The following ITGBL1 variants were observed in gnomAD, a reference collection of about 807,000 sequenced individuals.
The protein encoded by ITGBL1 is integrin subunit beta like 1.
A neutral mutation model predicts 68.5 loss-of-function variants in ITGBL1; 51 were observed. That is an observed-to-expected ratio of 0.74 (90% CI 0.59 to 0.94). ITGBL1 has a LOEUF of 0.94. Ranked by LOEUF, ITGBL1 falls within the 40% of genes least tolerant of loss-of-function variation. The probability of loss-of-function intolerance (pLI) is 0.00; values close to 1 mark genes in which losing one functional copy is unlikely to be tolerated. For synonymous variants in ITGBL1, 209 were observed against 227.3 expected (o/e 0.92, Z 0.72); for missense variants, 649 against 647.4 (o/e 1.00, Z -0.03).
At chr13:101,707,685 T>TAAA (rs111754845) in intron 9 of ITGBL1, among the ~76,000 whole-genome samples, 13 of 150,530 alleles carry the variant, frequency 8.6e-5, no homozygotes, top group Non-Finnish European at 1.2e-4. Flanking sequence ...TCTACTCTAT[T>TAAA]AAAAAAAACA....
rs541752715 is a variant in ITGBL1, at chr13:101,605,742, A to G, written c.1015+7443A>G. Among the ~76,000 whole-genome samples the G allele has an allele frequency of 1.5e-4, 23 of 151,038 alleles. No individual in the cohort carries two copies. The South Asian group carries it at 4.4e-3, about 29-fold the overall frequency. On this transcript the variant is annotated intron_variant, in intron 7 of 10. Transcript: ENST00000376180. ...TATGCGTGTACACGTATGTAGACAT[A>G]TGTATGTGCGTATATGTGTGTACAC... is the stretch of plus-strand genomic sequence containing the variant.
intron 6 of ITGBL1, among the ~76,000 whole-genome samples, chr13:101,589,207 C>G (rs899906470): frequency 6.6e-6 from 1 of 152,124 alleles, no homozygotes; most frequent in Non-Finnish European, 1.5e-5. Context: ...ATACCATTGT[C>G]GATACTATTT....
chr13:101,628,743 T>A (rs2031878694), intron 7 of ITGBL1, among the ~76,000 whole-genome samples: 1 of 151,716 alleles, frequency 6.6e-6, no homozygotes. Flanking sequence ...CCCAGCCCTC[T>A]CTTGATATTT....
chr13:101,588,000 G>A (rs951074287), intron 6 of ITGBL1, among the ~76,000 whole-genome samples: 4 of 152,210 alleles, frequency 2.6e-5, no homozygotes, highest in African/African-American at 4.8e-5. Flanking sequence ...AAGCAGAGAA[G>A]TGTTTGTCTG....
intron 7 of ITGBL1, among the ~76,000 whole-genome samples, chr13:101,600,060 T>C (rs2030261663): frequency 6.6e-6 from 1 of 152,252 alleles, no homozygotes; most frequent in East Asian, 1.9e-4. Context: ...TGATTCTTCC[T>C]ATCCATGAGC....
intron 6 of ITGBL1, among the ~76,000 whole-genome samples, chr13:101,589,084 C>T (rs1029336264): frequency 6.6e-6 from 1 of 152,164 alleles, no homozygotes; most frequent in Non-Finnish European, 1.5e-5. Flanking sequence ...TTTGACAGCA[C>T]ATGACTAACT....
intron 2 of ITGBL1, among the ~76,000 whole-genome samples, chr13:101,519,713 T>A (rs1007413301): frequency 6.6e-6 from 1 of 152,094 alleles, no homozygotes; most frequent in Non-Finnish European, 1.5e-5. Context: ...CAATAACAGA[T>A]CCTGATTATG....
intron 2 of ITGBL1, among the ~76,000 whole-genome samples, chr13:101,539,008 G>T (rs906406237): frequency 6.7e-6 from 1 of 149,488 alleles, no homozygotes; most frequent in East Asian, 2.0e-4. Flanking sequence ...TCAGTGGTAC[G>T]GTTGCGGAGT....
chr13:101,589,031 A>G (rs937763543), intron 6 of ITGBL1, among the ~76,000 whole-genome samples: 1 of 152,214 alleles, frequency 6.6e-6, no homozygotes, highest in Non-Finnish European at 1.5e-5. Flanking sequence ...TAGGACATGT[A>G]CAGTTTCACT....
intron 8 of ITGBL1, among the ~76,000 whole-genome samples, chr13:101,704,856 G>T (rs7324876): frequency 0.23 from 34,771 of 151,982 alleles, 4,347 homozygotes; most frequent in Admixed American, 0.31. Flanking sequence ...TTGTTTCTTT[G>T]TTTGTTTTTA....
intron 2 of ITGBL1, among the ~76,000 whole-genome samples, chr13:101,565,263 C>T (rs73554050): frequency 2.3e-3 from 354 of 152,086 alleles, no homozygotes; most frequent in African/African-American, 7.8e-3. Flanking sequence ...CCTAATCCCC[C>T]GAGGTCTGCT....
chr13:101,670,866 T>C (rs2033341408), intron 7 of ITGBL1, among the ~76,000 whole-genome samples: 1 of 152,220 alleles, frequency 6.6e-6, no homozygotes, highest in Non-Finnish European at 1.5e-5. Flanking sequence ...ATGTTATTGA[T>C]GTGAATGTTC....
intron 2 of ITGBL1, among the ~76,000 whole-genome samples, chr13:101,483,770 A>G (rs1015442168): frequency 4.6e-5 from 7 of 152,190 alleles, no homozygotes; most frequent in African/African-American, 1.7e-4. Flanking sequence ...TATTTTTGAA[A>G]TCTAATCTGA....
chr13:101,700,800 G>T (rs2034118522), intron 8 of ITGBL1, among the ~76,000 whole-genome samples: 2 of 151,960 alleles, frequency 1.3e-5, no homozygotes, highest in South Asian at 4.2e-4. Context: ...GTTTTTCTAG[G>T]CTCTGTTCCT....
chr13:101,505,509 A>G (rs1410852631), intron 2 of ITGBL1, among the ~76,000 whole-genome samples: 1 of 152,192 alleles, frequency 6.6e-6, no homozygotes, highest in East Asian at 1.9e-4. Flanking sequence ...TAGGGGAGTA[A>G]TAATGAATAA....
chr13:101,655,766 T>C (rs560014967), intron 7 of ITGBL1, among the ~76,000 whole-genome samples: 1 of 152,358 alleles, frequency 6.6e-6, no homozygotes, highest in East Asian at 1.9e-4. Context: ...GCAGATCTTA[T>C]GACGCTGGCC....
At chr13:101,476,053 A>G (rs551421524) in intron 2 of ITGBL1, among the ~76,000 whole-genome samples, 4 of 152,190 alleles carry the variant, frequency 2.6e-5, no homozygotes, top group Non-Finnish European at 5.9e-5. Flanking sequence ...AATACAGAAT[A>G]TTATAGCACT....
intron 2 of ITGBL1, among the ~76,000 whole-genome samples, chr13:101,510,096 TA>T (rs1257789957): frequency 6.6e-6 from 1 of 152,148 alleles, no homozygotes; most frequent in African/African-American, 2.4e-5. Context: ...GTTACATGGG[TA>T]TATTGGACCC....
chr13:101,604,877 T>TACACACACACACAC (rs1298257111), intron 7 of ITGBL1, among the ~76,000 whole-genome samples: 4 of 21,686 alleles, frequency 1.8e-4, no homozygotes, highest in South Asian at 3.1e-3. Flanking sequence ...TATATATATA[T>TACACACACACACAC]ATATATATAT....
Sources: gnomAD v4.1 joint callset for allele counts (sites outside exome capture counted in the v4.1 genomes callset) on GRCh38, gnomAD v4.1.1 for gene constraint, MANE v1.5 for transcripts, NCBI Gene and HGNC (gene_info 2026-07-23, HGNC 2026-07-21) for gene names.